CASP9: variants seen among roughly 807,000 people sequenced by gnomAD.
CASP9 encodes caspase 9.
In CASP9, 29 loss-of-function variants were observed where a neutral mutation model predicts 43.5. That is an observed-to-expected ratio of 0.67 (90% confidence interval 0.50 to 0.91). The LOEUF (loss-of-function observed/expected upper bound fraction) is 0.91, where lower values mean the gene tolerates loss of function less well. Among genes scored for constraint, CASP9 ranks in the 40% least tolerant of loss-of-function variants. CASP9 has a pLI of 0.00. For synonymous variants in CASP9, 206 were observed against 211.9 expected (o/e 0.97, Z 0.24); for missense variants, 575 against 537.4 (o/e 1.07, Z -0.69).
intron 2 of CASP9, among the ~76,000 whole-genome samples, chr1:15,511,778 G>A (rs1709764792): frequency 6.6e-6 from 1 of 152,204 alleles, no homozygotes; most frequent in Non-Finnish European, 1.5e-5. Context: ...GGAAAAACCT[G>A]TAGCTGGCTG....
chr1:15,504,519 A>G, intron 6 of CASP9, 92 bp downstream of exon 6: 1 of 1,350,828 alleles, frequency 7.4e-7, no homozygotes. Context: ...GAGAGACCTC[A>G]TGGGCCCTGT....
Position 15,495,313 on chromosome 1 carries a change from G to A in CASP9, c.1008C>T (p.Pro336=). Reference sequence around the variant, plus strand: ...AGGACACAAAGATGTCACTGGGTGTGGGCAAACTAGATATGGCGTCCAGCT... The same window carrying A: ...AGGACACAAAGATGTCACTGGGTGTAGGCAAACTAGATATGGCGTCCAGCT... ...FDQLDAISSL[P]TPSDIFVSYS... is the part of the protein sequence containing the mutation. Residue 336 remains proline, a synonymous_variant, in exon 7 of 9, where the codon CCC becomes CCT. Coordinates refer to ENST00000333868, the MANE Select transcript of CASP9 (RefSeq NM_001229.5). 1.9e-6 allele frequency: 3 copies of A among 1,611,386 alleles called. No homozygotes were observed. Among genetic ancestry groups the A allele is most frequent in the Non-Finnish European group, 2.5e-6 (3 of 1,179,310 alleles).
chr1:15,524,294 C>T, upstream of CASP9: 1 of 1,451,688 alleles, frequency 6.9e-7, no homozygotes, highest in South Asian at 1.3e-5. Context: ...CGCCCCAGGG[C>T]CTGCCCCCGC....
intron 4 of CASP9, 81 bp downstream of exon 4, chr1:15,506,818 G>T: frequency 8.1e-7 from 1 of 1,239,574 alleles, no homozygotes; most frequent in Non-Finnish European, 1.2e-6. Flanking sequence ...TGGGGAGTCA[G>T]CTGGCTTTTG....
chr1:15,500,657 T>C (rs1557538446), intron 6 of CASP9, among the ~76,000 whole-genome samples: 1 of 152,154 alleles, frequency 6.6e-6, no homozygotes, highest in South Asian at 2.1e-4. Flanking sequence ...TTGTGGTTCA[T>C]TGCTTCTGGT....
At chr1:15,515,948 T>A (rs1318828764) in intron 2 of CASP9, among the ~76,000 whole-genome samples, 1 of 152,054 alleles carries the variant, frequency 6.6e-6, no homozygotes, top group Non-Finnish European at 1.5e-5. Flanking sequence ...ACACCTTTAA[T>A]CCCAGCACTT....
chr1:15,521,801 C>G (rs939647980), intron 1 of CASP9, among the ~76,000 whole-genome samples: 1 of 152,176 alleles, frequency 6.6e-6, no homozygotes, highest in Admixed American at 6.5e-5. Context: ...TCTCCTGTGT[C>G]TTTATTTCTA....
rs1235523958 is a variant in CASP9 at position 15,508,833 on chromosome 1, CA to C, written c.419-927del. Among the ~76,000 whole-genome samples, 6 of 152,228 alleles carry C rather than the reference CA, an allele frequency of 3.9e-5. No homozygotes were observed. In the East Asian group the frequency reaches 7.7e-4, roughly 20 times the overall value. Reference sequence around the variant, plus strand: ...AGCTGTGCCAATAGAAAAGGGCTACCAGGGGGCCAGATATACTCAGCAAAGA... The same window carrying C: ...AGCTGTGCCAATAGAAAAGGGCTACCGGGGGCCAGATATACTCAGCAAAGA... On this transcript the variant is annotated intron_variant, in intron 2 of 8. Coordinates refer to ENST00000333868, the MANE Select transcript of CASP9 (RefSeq NM_001229.5).
intron 6 of CASP9, among the ~76,000 whole-genome samples, chr1:15,501,850 T>C (rs1250428219): frequency 6.6e-6 from 1 of 152,126 alleles, no homozygotes; most frequent in Non-Finnish European, 1.5e-5. Context: ...TGGCTCACTG[T>C]AGCCTCGACC....
At chr1:15,494,963 T>C (rs1709048322) in intron 7 of CASP9, among the ~76,000 whole-genome samples, 1 of 151,830 alleles carries the variant, frequency 6.6e-6, no homozygotes, top group Non-Finnish European at 1.5e-5. Context: ...CCACCTTGTT[T>C]AATTCCCATG....
intron 2 of CASP9, among the ~76,000 whole-genome samples, chr1:15,514,035 C>A (rs1709862849): frequency 6.6e-6 from 1 of 152,198 alleles, no homozygotes; most frequent in Admixed American, 6.5e-5. Context: ...CATTATTATT[C>A]ATTGACACTC....
At chr1:15,524,421 C>A, upstream of CASP9, 9 of 1,279,864 alleles carry the variant, frequency 7.0e-6, no homozygotes, top group Admixed American at 4.6e-5. Flanking sequence ...CGCACCTCTG[C>A]GCCTCGCCCC....
At chr1:15,509,458 TACA>T (rs1443804251) in intron 2 of CASP9, among the ~76,000 whole-genome samples, 2 of 26,490 alleles carry the variant, frequency 7.6e-5, no homozygotes, top group Non-Finnish European at 1.5e-4. Flanking sequence ...GTACTAAAAA[TACA>T]AAAAAAAAAA....
At chr1:15,506,319 G>A (rs1259309948) in intron 4 of CASP9, among the ~76,000 whole-genome samples, 1 of 152,000 alleles carries the variant, frequency 6.6e-6, no homozygotes, top group Non-Finnish European at 1.5e-5. Flanking sequence ...AGCCAGGCAT[G>A]GTGGCACACA....
At chr1:15,504,220 G>T (rs1454277536) in intron 6 of CASP9, among the ~76,000 whole-genome samples, 1 of 152,206 alleles carries the variant, frequency 6.6e-6, no homozygotes, top group Non-Finnish European at 1.5e-5. Context: ...GTTTCTCCAT[G>T]CAGTTTAGCT....
At chr1:15,508,594 T>C (rs373436046) in intron 2 of CASP9, among the ~76,000 whole-genome samples, 109 of 152,230 alleles carry the variant, frequency 7.2e-4, no homozygotes, top group African/African-American at 2.5e-3. Context: ...TTTGTATTTT[T>C]AGTAGAGACG....
At chr1:15,524,382 G>C (rs1320885907), upstream of CASP9, 2 of 1,353,382 alleles carry the variant, frequency 1.5e-6, no homozygotes, top group African/African-American at 3.4e-5. Flanking sequence ...CCCAGGAGTC[G>C]CTCTTGCGTC....
intron 7 of CASP9, among the ~76,000 whole-genome samples, chr1:15,494,901 A>C (rs1709045382): frequency 6.7e-6 from 1 of 149,034 alleles, no homozygotes; most frequent in Non-Finnish European, 1.5e-5. Flanking sequence ...GAAGGAAACT[A>C]CCGCTTGCTG....
chr1:15,496,464 GA>G (rs1211676816), intron 6 of CASP9, among the ~76,000 whole-genome samples: 1 of 152,092 alleles, frequency 6.6e-6, no homozygotes, highest in Non-Finnish European at 1.5e-5. Flanking sequence ...TGGAAAGAAG[GA>G]GTAAAATTAT....
Sources: gnomAD v4.1 joint callset for allele counts (sites outside exome capture counted in the v4.1 genomes callset) on GRCh38, gnomAD v4.1.1 for gene constraint, MANE v1.5 for transcripts, NCBI Gene and HGNC (gene_info 2026-07-23, HGNC 2026-07-21) for gene names.